TMOD2: variants seen among roughly 807,000 people sequenced by gnomAD.
The protein encoded by TMOD2 is tropomodulin 2, also known as tropomodulin-2.
A neutral mutation model predicts 39.9 loss-of-function variants in TMOD2; 22 were observed. The ratio of observed to expected loss-of-function variants is 0.55; its 90% confidence interval spans 0.39 to 0.79. The LOEUF is 0.79. TMOD2 is among the 30% of genes least tolerant of loss of function. The pLI is 0.00. For missense variants in TMOD2, 386 were observed against 413.3 expected (o/e 0.93, Z 0.57); for synonymous variants, 123 against 146.1 (o/e 0.84, Z 1.14).
chr15:51,792,857 C>A (rs891711973), intron 7 of TMOD2, among the ~76,000 whole-genome samples: 2 of 151,968 alleles, frequency 1.3e-5, no homozygotes, highest in African/African-American at 4.8e-5. Flanking sequence ...CACACCGGGG[C>A]CTGTGGAGGG....
Position 51,807,978 on chromosome 15 carries a change from G to C in TMOD2, c.1022-442G>C, listed in dbSNP as rs73409044. Among the ~76,000 whole-genome samples, 1,410 of 152,280 alleles carry C rather than the reference G, an allele frequency of 9.3e-3. 15 individuals carry two copies. Among genetic ancestry groups the C allele is most frequent in the African/African-American group, 0.019 (773 of 41,550 alleles). On this transcript the variant is annotated intron_variant, in intron 9 of 9. Transcript: ENST00000249700. ...GATACTTAGAAGTTTTTATTTAGAAGAGTTTCAGAAACTTTGAACTATTTG... is the reference window on the plus strand; with the variant it reads ...GATACTTAGAAGTTTTTATTTAGAACAGTTTCAGAAACTTTGAACTATTTG...
At chr15:51,805,607 A>C (rs2056117045) in intron 8 of TMOD2, among the ~76,000 whole-genome samples, 2 of 152,236 alleles carry the variant, frequency 1.3e-5, no homozygotes, top group Admixed American at 6.5e-5. Flanking sequence ...AGTCAACAAT[A>C]ACATTGTGCA....
At chr15:51,777,402 A>G (rs2055896874) in intron 5 of TMOD2, among the ~76,000 whole-genome samples, 1 of 152,186 alleles carries the variant, frequency 6.6e-6, no homozygotes, top group South Asian at 2.1e-4. Flanking sequence ...ATAGTAGCTT[A>G]AATAAGTTCC....
chr15:51,778,517 A>G (rs200597152), intron 5 of TMOD2, among the ~76,000 whole-genome samples: 20 of 150,608 alleles, frequency 1.3e-4, no homozygotes, highest in Admixed American at 4.6e-4. Context: ...TAAAAAAAAA[A>G]AAAGAAAGAA....
At chr15:51,778,188 G>A (rs547566249) in intron 5 of TMOD2, among the ~76,000 whole-genome samples, 13 of 151,708 alleles carry the variant, frequency 8.6e-5, no homozygotes, top group African/African-American at 3.1e-4. Context: ...TCCTTTGTAG[G>A]GACATGGATG....
intron 4 of TMOD2, 109 bp from the exon 5 acceptor site, chr15:51,776,823 G>T (rs1285732661): frequency 1.1e-6 from 1 of 875,408 alleles, no homozygotes; most frequent in Non-Finnish European, 1.9e-6. Flanking sequence ...AGAGGACTCA[G>T]GGACTTATCT....
chr15:51,764,437 G>A (rs143869537), intron 1 of TMOD2, among the ~76,000 whole-genome samples: 1,767 of 152,240 alleles, frequency 0.012, 12 homozygotes, highest in Middle Eastern at 0.027. Flanking sequence ...AAAGGAAAGG[G>A]AACACTATTC....
At chr15:51,765,356 T>A (rs1401829576) in intron 1 of TMOD2, among the ~76,000 whole-genome samples, 1 of 152,232 alleles carries the variant, frequency 6.6e-6, no homozygotes, top group African/African-American at 2.4e-5. Flanking sequence ...TATGACATTA[T>A]TGCTATTTGT....
chr15:51,798,286 G>A lies in TMOD2; in HGVS notation c.822G>A (p.Leu274=), dbSNP rs750929841. The change falls in exon 8 of 10, where the codon CTG becomes CTA. Residue 274 remains leucine, a synonymous_variant. Coordinates refer to ENST00000249700, the MANE Select transcript of TMOD2 (RefSeq NM_014548.4). ...TCACTGGAACTGGGATCCTGGCCCT[G>A]GTAGAGGCACTGAAAGAAAATGACA... ...NFITGTGILA[L]VEALKENDTL... is the part of the protein sequence containing the mutation. 1.7e-5 allele frequency: 27 copies of A among 1,613,754 alleles called. No homozygotes were observed. The highest frequency in any genetic ancestry group is 2.2e-5 in the Non-Finnish European group (26 of 1,179,956).
chr15:51,803,758 A>C (rs905605623), intron 8 of TMOD2, among the ~76,000 whole-genome samples: 1 of 152,232 alleles, frequency 6.6e-6, no homozygotes, highest in Non-Finnish European at 1.5e-5. Flanking sequence ...TCAAGTTAAA[A>C]AACTCAAAAT....
intron 8 of TMOD2, among the ~76,000 whole-genome samples, chr15:51,803,635 A>G (rs2056104400): frequency 6.6e-6 from 1 of 152,234 alleles, no homozygotes; most frequent in African/African-American, 2.4e-5. Flanking sequence ...ACCATATGAA[A>G]ATGAAGAAAA....
chr15:51,785,797 G>A (rs970077576), intron 7 of TMOD2, among the ~76,000 whole-genome samples: 5 of 152,078 alleles, frequency 3.3e-5, no homozygotes, highest in Non-Finnish European at 7.4e-5. Flanking sequence ...GAGAAGAATT[G>A]TAATGTTCCC....
At chr15:51,781,618 C>T (rs1359768826) in intron 6 of TMOD2, among the ~76,000 whole-genome samples, 1 of 152,326 alleles carries the variant, frequency 6.6e-6, no homozygotes, top group Non-Finnish European at 1.5e-5. Context: ...CAGATTCATG[C>T]GGCTGTTGGC....
At chr15:51,794,571 T>A (rs1451440454) in intron 7 of TMOD2, among the ~76,000 whole-genome samples, 2 of 152,052 alleles carry the variant, frequency 1.3e-5, no homozygotes, top group Admixed American at 6.6e-5. Context: ...AAAAAAGTGG[T>A]TGTCAATCCT....
intron 8 of TMOD2, among the ~76,000 whole-genome samples, chr15:51,804,416 G>A (rs1246982937): frequency 1.3e-5 from 2 of 151,476 alleles, no homozygotes; most frequent in African/African-American, 4.9e-5. Context: ...GTGTAGATAC[G>A]TGAATGCATA....
intron 4 of TMOD2, among the ~76,000 whole-genome samples, chr15:51,776,137 G>A (rs1242886812): frequency 6.6e-6 from 1 of 152,116 alleles, no homozygotes; most frequent in Non-Finnish European, 1.5e-5. Context: ...TTCTTGTGCT[G>A]TGCCAGCTGC....
intron 7 of TMOD2, among the ~76,000 whole-genome samples, chr15:51,786,975 T>C (rs948163286): frequency 3.3e-5 from 5 of 152,178 alleles, no homozygotes; most frequent in African/African-American, 1.2e-4. Context: ...CTGGGACTGG[T>C]TGGACAGTGG....
rs57436390 is a variant in TMOD2, at chr15:51,781,823, A to AGTGT, written c.624+666_624+669dup. ...GAGTAGGAGAGAGAGAGAGAGAGAG[A>AGTGT]GTGTGTGTGTGTGTGTGTGTAAACA... On this transcript the variant is annotated intron_variant, in intron 6 of 9. Coordinates refer to ENST00000249700, the MANE Select transcript of TMOD2 (RefSeq NM_014548.4). Among the ~76,000 whole-genome samples the AGTGT allele has an allele frequency of 4.7e-4, 70 of 149,494 alleles. No individual in the cohort carries two copies. In the East Asian group the frequency reaches 5.7e-3, roughly 12 times the overall value.
chr15:51,779,782 GGGATTC>G (rs1567240250), intron 5 of TMOD2, among the ~76,000 whole-genome samples: 1 of 152,032 alleles, frequency 6.6e-6, no homozygotes, highest in Admixed American at 6.6e-5. Context: ...CTGGGATCAA[GGGATTC>G]TCCCACCTCA....
Sources: allele counts gnomAD v4.1 joint callset (sites outside exome capture counted in the v4.1 genomes callset), GRCh38; gene constraint gnomAD v4.1.1; transcripts MANE v1.5; gene names NCBI Gene and HGNC (gene_info 2026-07-23, HGNC 2026-07-21).